The following CCDC122 variants were observed in gnomAD, a reference collection of about 807,000 sequenced individuals.
CCDC122 encodes coiled-coil domain-containing protein 122.
Under a neutral mutation model 37.0 loss-of-function variants are expected in CCDC122, and 38 were observed. That is an observed-to-expected ratio of 1.03 (90% CI 0.79 to 1.35). CCDC122 has a LOEUF of 1.35. Ranked by LOEUF, CCDC122 falls within the 40% of genes most tolerant of loss-of-function variation. The pLI, the probability that CCDC122 is intolerant of heterozygous loss-of-function variation, is 0.00. For missense variants in CCDC122, 305 were observed against 310.0 expected, an observed-to-expected ratio of 0.98 and a Z score of 0.12; for synonymous variants, 83 against 95.6, an observed-to-expected ratio of 0.87 and a Z score of 0.77.
intron 1 of CCDC122, among the ~76,000 whole-genome samples, chr13:43,877,137 G>A (rs1954633429): frequency 6.6e-6 from 1 of 152,126 alleles, no homozygotes. Flanking sequence ...GTATAAATCT[G>A]CCCTCAGATT....
chr13:43,875,132 C>T (rs948210936), intron 1 of CCDC122, among the ~76,000 whole-genome samples: 2 of 152,166 alleles, frequency 1.3e-5, no homozygotes, highest in African/African-American at 4.8e-5. Flanking sequence ...CAGCTCAAAT[C>T]CAAGCTTTAA....
At chr13:43,848,823 T>C (rs748923750) in intron 6 of CCDC122, 27 of 891,514 alleles carry the variant, frequency 3.0e-5, no homozygotes, top group South Asian at 1.0e-4. Context: ...AATAATGCTG[T>C]AGTCCAGGCA....
downstream of CCDC122, among the ~76,000 whole-genome samples, chr13:43,823,127 G>A (rs1953007812): frequency 6.6e-6 from 1 of 152,024 alleles, no homozygotes; most frequent in South Asian, 2.1e-4. Context: ...TTGTTATCCA[G>A]GGCCTAAGGA....
Position 43,848,985 on chromosome 13 carries a change from A to G in CCDC122, c.672+9796T>C, listed in dbSNP as rs1385439301. The G allele has an allele frequency of 3.1e-6, 3 of 959,780 alleles. No individual in the cohort carries two copies. In the Admixed American group the frequency reaches 1.8e-4, roughly 59 times the overall value. The allele number at this position is 959,780 out of a possible 1,614,324, so 59.5% of individuals were successfully genotyped here. On this transcript the variant is annotated intron_variant, in intron 6 of 6. Transcript: ENST00000444614. ...TTTTGAGAAGAAGGTTACTCATATT[A>G]ATGATCGATTCTCATCATGGAATAA...
chr13:43,822,261 A>C (rs1952999300), downstream of CCDC122, among the ~76,000 whole-genome samples: 1 of 152,186 alleles, frequency 6.6e-6, no homozygotes, highest in Admixed American at 6.5e-5. Flanking sequence ...CTGGATTACC[A>C]AGCAGAGACT....
intron 6 of CCDC122, among the ~76,000 whole-genome samples, chr13:43,847,814 G>C (rs1267602728): frequency 6.6e-6 from 1 of 151,898 alleles, no homozygotes; most frequent in African/African-American, 2.4e-5. Flanking sequence ...TTGCTCTGTT[G>C]CCTAGGCTGG....
At chr13:43,836,102 T>C (rs185609655), downstream of CCDC122, among the ~76,000 whole-genome samples, 41 of 152,370 alleles carry the variant, frequency 2.7e-4, no homozygotes, top group Non-Finnish European at 2.6e-4. Flanking sequence ...TTTTTGATGC[T>C]GTTTGAAATT....
chr13:43,834,553 C>A (rs1375554307), downstream of CCDC122, among the ~76,000 whole-genome samples: 1 of 152,178 alleles, frequency 6.6e-6, no homozygotes, highest in Non-Finnish European at 1.5e-5. Flanking sequence ...TTTTTGCAAT[C>A]TACTCATCTG....
At chr13:43,831,458 G>A (rs1340425286), downstream of CCDC122, among the ~76,000 whole-genome samples, 2 of 152,090 alleles carry the variant, frequency 1.3e-5, no homozygotes, top group African/African-American at 4.8e-5. Flanking sequence ...AGCATCTCAA[G>A]GAAGCCTCTC....
At chr13:43,849,124 A>G (rs1953641114) in intron 6 of CCDC122, 2 of 824,232 alleles carry the variant, frequency 2.4e-6, no homozygotes, top group South Asian at 5.6e-5. Context: ...TCATTTTTTA[A>G]CTGAATTGAG....
downstream of CCDC122, among the ~76,000 whole-genome samples, chr13:43,834,807 G>A (rs1244956361): frequency 6.6e-5 from 10 of 151,226 alleles, no homozygotes; most frequent in South Asian, 1.5e-3. Flanking sequence ...AAGTCAGGAA[G>A]CAACAGGTGC....
chr13:43,831,279 G>A (rs946427960), intron 3 of CCDC122, among the ~76,000 whole-genome samples: 1 of 152,098 alleles, frequency 6.6e-6, no homozygotes, highest in African/African-American at 2.4e-5. Context: ...TATGTGTGTA[G>A]GTCATGCACA....
intron 3 of CCDC122, among the ~76,000 whole-genome samples, chr13:43,828,305 T>C (rs1457408922): frequency 6.6e-6 from 1 of 152,164 alleles, no homozygotes. Context: ...GTGTCAGGTG[T>C]CTGCTAGCTG....
chr13:43,868,751 T>C lies in CCDC122; in HGVS notation c.99A>G (p.Gln33=), dbSNP rs760832855. 9.6e-6 allele frequency: 15 copies of C among 1,567,032 alleles called. No individual in the cohort carries two copies. The highest frequency in any genetic ancestry group is 1.3e-5 in the Non-Finnish European group (15 of 1,157,754). ...LADAVEKVAK[Q]QQSQASEIEK... is the part of the protein sequence containing the mutation. ...CTATCTCTGATGCTTGTGATTGTTGTTGCTTTGCAACTTTCTCTACAGCAT... is the reference window on the plus strand; with the variant it reads ...CTATCTCTGATGCTTGTGATTGTTGCTGCTTTGCAACTTTCTCTACAGCAT... The change falls in exon 4 of 7, where the codon CAA becomes CAG. Residue 33 remains glutamine, a synonymous_variant. Transcript: ENST00000444614.
intron 4 of CCDC122, among the ~76,000 whole-genome samples, chr13:43,862,132 C>G (rs1299585833): frequency 6.6e-6 from 1 of 152,176 alleles, no homozygotes; most frequent in Non-Finnish European, 1.5e-5. Flanking sequence ...TTTCCCTGCT[C>G]AACATCCTCC....
intron 6 of CCDC122, chr13:43,848,840 G>A: frequency 2.1e-6 from 2 of 951,232 alleles, no homozygotes; most frequent in Non-Finnish European, 2.5e-6. Context: ...GGCAAAAGAT[G>A]ATTCTTGAAC....
At chr13:43,852,571 T>C (rs1953776442) in intron 6 of CCDC122, among the ~76,000 whole-genome samples, 1 of 152,040 alleles carries the variant, frequency 6.6e-6, no homozygotes, top group Non-Finnish European at 1.5e-5. Context: ...TTTCAGTATA[T>C]CATCTATGAG....
intron 4 of CCDC122, among the ~76,000 whole-genome samples, chr13:43,865,155 G>T (rs1233340388): frequency 6.6e-6 from 1 of 152,118 alleles, no homozygotes; most frequent in Non-Finnish European, 1.5e-5. Flanking sequence ...TGGGTAATAG[G>T]TGCTTTCCTG....
At chr13:43,845,397 T>C (rs1953485072) in intron 6 of CCDC122, among the ~76,000 whole-genome samples, 1 of 152,232 alleles carries the variant, frequency 6.6e-6, no homozygotes, top group Non-Finnish European at 1.5e-5. Context: ...CTTTCCAGTA[T>C]CATTTCCTTT....
Sources: allele counts gnomAD v4.1 joint callset (sites outside exome capture counted in the v4.1 genomes callset), GRCh38; gene constraint gnomAD v4.1.1; transcripts MANE v1.5; gene names NCBI Gene and HGNC (gene_info 2026-07-23, HGNC 2026-07-21).